KCNQ1: variants seen among roughly 807,000 people sequenced by gnomAD.
KCNQ1 encodes potassium voltage-gated channel subfamily KQT member 1.
Under a neutral mutation model 72.4 loss-of-function variants are expected in KCNQ1, and 49 were observed. That is an observed-to-expected ratio of 0.68 (90% CI 0.54 to 0.86). KCNQ1 has a LOEUF of 0.86. Among genes scored for constraint, KCNQ1 ranks in the 40% least tolerant of loss-of-function variants. KCNQ1 has a pLI of 0.00. For synonymous variants in KCNQ1, 450 were observed against 412.6 expected (o/e 1.09, Z -1.10); for missense variants, 790 against 945.1 (o/e 0.84, Z 2.15).
Position 2,471,687 on chromosome 11 carries a change from G to C in KCNQ1, c.386+26203G>C, listed in dbSNP as rs1564790433. 1.3e-5 allele frequency among the ~76,000 whole-genome samples: 2 copies of C among 150,160 alleles called. No individual in the cohort carries two copies. Among genetic ancestry groups the C allele is most frequent in the Non-Finnish European group, 3.0e-5 (2 of 67,552 alleles). On this transcript the variant is annotated intron_variant, in intron 1 of 15. Transcript: ENST00000155840. This position sits in a 1 kb window ranked among gnomAD's most constrained non-coding sequence, Gnocchi z 4.8. ...GTGCATGGGTGTGCACATGTGTATG[G>C]GTGTGCATGTGTGTATAGGTGTGTG...
chr11:2,556,055 G>GT (rs1297769544), intron 2 of KCNQ1, among the ~76,000 whole-genome samples: 2 of 152,242 alleles, frequency 1.3e-5, no homozygotes, highest in African/African-American at 4.8e-5. Context: ...TATCAGCGAG[G>GT]TGGGTTCGTT....
Position 2,687,221 on chromosome 11 carries a change from G to A in KCNQ1, c.1514+25140G>A, listed in dbSNP as rs1426338134. On this transcript the variant is annotated intron_variant, in intron 11 of 15. Coordinates refer to ENST00000155840, the MANE Select transcript of KCNQ1 (RefSeq NM_000218.3). The surrounding 1 kb of genome is among the most constrained non-coding windows in gnomAD (Gnocchi z 5.0). The stretch of plus-strand genomic sequence containing the variant: ...GGAGCATCACACTGTTGGGAAATGT[G>A]CAATTTTCACTCAGCCAGCATCACT... The A allele has an allele frequency of 7.5e-6, 3 of 398,642 alleles. No homozygotes were observed. Among genetic ancestry groups the A allele is most frequent in the Non-Finnish European group, 1.3e-5 (3 of 226,076 alleles). 24.7% of individuals were successfully genotyped at this position (398,642 alleles called of 1,614,324 possible).
intron 10 of KCNQ1, chr11:2,618,377 TC>T (rs1475413009): frequency 7.5e-6 from 3 of 398,470 alleles, no homozygotes; most frequent in Non-Finnish European, 1.3e-5. Flanking sequence ...ATTAAAGCCA[TC>T]CTGGGCTTAC....
intron 1 of KCNQ1, among the ~76,000 whole-genome samples, chr11:2,506,353 G>C (rs1847105457): frequency 6.6e-6 from 1 of 152,234 alleles, no homozygotes; most frequent in African/African-American, 2.4e-5. Context: ...GTATTTCCTA[G>C]AGACCACTAC....
intron 2 of KCNQ1, among the ~76,000 whole-genome samples, chr11:2,553,799 T>A (rs948376342): frequency 3.3e-5 from 5 of 152,176 alleles, no homozygotes; most frequent in African/African-American, 1.2e-4. Flanking sequence ...CACTGCAGCC[T>A]CTGCCTCCCA....
rs576494599 is a variant in KCNQ1 at position 2,547,979 on chromosome 11, C to T, written c.477+19961C>T. ...CATTCAGAGACAGGGGAGCAGGGAG[C>T]GGTGGGGGATGAGGTCAGGGAGGTG... On this transcript the variant is annotated intron_variant, in intron 2 of 15. Transcript: ENST00000155840. The surrounding 1 kb of genome is among the most constrained non-coding windows in gnomAD (Gnocchi z 4.2). 1.6e-4 allele frequency among the ~76,000 whole-genome samples: 25 copies of T among 152,092 alleles called. No homozygotes were observed. In the South Asian group the frequency reaches 4.8e-3, roughly 29 times the overall value.
chr11:2,609,139 A>G, intron 10 of KCNQ1: 1 of 398,072 alleles, frequency 2.5e-6, no homozygotes, highest in Non-Finnish European at 4.4e-6. Context: ...TTGAAGCCTT[A>G]TTTTTTGATA....
In KCNQ1 at chr11:2,725,620, A is replaced by C. The variant is rs1476694010; in HGVS notation, c.1515-43224A>C. Among the ~76,000 whole-genome samples, 1 of 151,978 alleles carries C rather than the reference A, an allele frequency of 6.6e-6. No homozygotes were observed. The highest frequency in any genetic ancestry group is 1.5e-5 in the Non-Finnish European group (1 of 67,964). On this transcript the variant is annotated intron_variant, in intron 11 of 15. Transcript: ENST00000155840. The surrounding 1 kb of genome is among the most constrained non-coding windows in gnomAD (Gnocchi z 7.2). The stretch of plus-strand genomic sequence containing the variant: ...TTGCCCTCGCCCCCTTCCCGAACGT[A>C]CCCTTTCCATGAGGCTGGGCGCCCT...
chr11:2,847,867 G>C lies in KCNQ1; in HGVS notation c.1895G>C (p.Arg632Thr). The C allele has an allele frequency of 6.3e-7, 1 of 1,577,702 alleles. No homozygotes were observed. Reference protein sequence around the residue: ...GSTPGSGGPPREGGAHITQPC... With the variant: ...GSTPGSGGPPTEGGAHITQPC... ...ACCCCCGGCAGCGGCGGCCCCCCCAGAGAGGGCGGGGCCCACATCACCCAG... is the reference window on the plus strand; with the variant it reads ...ACCCCCGGCAGCGGCGGCCCCCCCACAGAGGGCGGGGCCCACATCACCCAG... The change falls in exon 16 of 16, where the codon AGA becomes ACA. Residue 632 changes from arginine (R) to threonine (T), a missense_variant. Physicochemically the swap from Arg to Thr is moderately conservative, Grantham distance 71. Transcript: ENST00000155840.
intron 10 of KCNQ1, chr11:2,610,067 T>A (rs571230056): frequency 2.5e-6 from 1 of 398,000 alleles, no homozygotes; most frequent in South Asian, 1.3e-4. Context: ...GTCTTTTCTA[T>A]GTACTATTTC....
intron 11 of KCNQ1, among the ~76,000 whole-genome samples, chr11:2,717,943 T>C (rs534112565): frequency 1.2e-3 from 182 of 152,242 alleles, no homozygotes; most frequent in Non-Finnish European, 2.1e-3. Flanking sequence ...GGTCATGGAG[T>C]AAAGACCACA....
At chr11:2,614,438 T>G (rs77640024) in intron 10 of KCNQ1, 7,235 of 398,540 alleles carry the variant, frequency 0.018, 282 homozygotes, top group East Asian at 0.11. Flanking sequence ...TTTTTGTGTC[T>G]TTTCTAAGAA....
Position 2,570,620 on chromosome 11 carries a change from C to G in KCNQ1, c.478-8C>G, listed in dbSNP as rs150711844. On this transcript the variant is annotated splice_polypyrimidine_tract_variant and splice_region_variant and intron_variant, in intron 2 of 15. Transcript: ENST00000155840. ...GCCTGCAGTGAGCGTCCCACTCTGTCCCTGCAGGAGATCGTGCTGGTGGTG... is the reference window on the plus strand; with the variant it reads ...GCCTGCAGTGAGCGTCCCACTCTGTGCCTGCAGGAGATCGTGCTGGTGGTG... 1.2e-6 allele frequency: 2 copies of G among 1,612,090 alleles called. No individual in the cohort carries two copies. Among genetic ancestry groups the G allele is most frequent in the Non-Finnish European group, 1.7e-6 (2 of 1,179,972 alleles).
At chr11:2,480,953 C>T (rs968596054) in intron 1 of KCNQ1, among the ~76,000 whole-genome samples, 6 of 152,158 alleles carry the variant, frequency 3.9e-5, no homozygotes, top group Non-Finnish European at 8.8e-5. Context: ...GTAGAAACCG[C>T]AGGCAAGTCT....
chr11:2,699,897 A>G, intron 11 of KCNQ1: 1 of 398,152 alleles, frequency 2.5e-6, no homozygotes, highest in Admixed American at 4.4e-5. Context: ...GACCACGCTG[A>G]GAGGCACCCC....
chr11:2,776,091 G>C, intron 13 of KCNQ1, 37 bp downstream of exon 13: 1 of 1,496,518 alleles, frequency 6.7e-7, no homozygotes. Context: ...AGGGTGCCCA[G>C]GTCCTGCCCA....
At position 2,669,384 on chromosome 11, in the gene KCNQ1, C is replaced by T; in HGVS notation, c.1514+7303C>T. ...AATGGGTATCCTTATAGTTTTGGGG[C>T]TCCTGAAACATGGCATCATGTGTCC... On this transcript the variant is annotated intron_variant, in intron 11 of 15. Coordinates refer to ENST00000155840, the MANE Select transcript of KCNQ1 (RefSeq NM_000218.3). The surrounding 1 kb of genome is among the most constrained non-coding windows in gnomAD (Gnocchi z 5.6). 2.5e-6 allele frequency: 1 copy of T among 398,636 alleles called. No homozygotes were observed. Among genetic ancestry groups the T allele is most frequent in the East Asian group, 3.6e-5 (1 of 28,086 alleles). The allele number at this position is 398,636 out of a possible 1,614,324, so 24.7% of individuals were successfully genotyped here.
intron 10 of KCNQ1, chr11:2,639,083 C>T (rs185988820): frequency 6.6e-6 from 1 of 152,160 alleles, no homozygotes; most frequent in Non-Finnish European, 1.5e-5. Flanking sequence ...TTAAGGACTT[C>T]TCTACACTGG....
rs1365559232 is a variant in KCNQ1 at position 2,627,705 on chromosome 11, T to C, written c.1394-34256T>C. 2.5e-6 allele frequency: 1 copy of C among 398,468 alleles called. No homozygotes were observed. Among genetic ancestry groups the C allele is most frequent in the Non-Finnish European group, 4.4e-6 (1 of 226,068 alleles). The allele number at this position is 398,468 out of a possible 1,614,324, so 24.7% of individuals were successfully genotyped here. Reference sequence around the variant, plus strand: ...GTGTGTGTGTCTGTATGTATATGTATGTGATGTGTTTATTTGGGAATTTGG... The same window carrying C: ...GTGTGTGTGTCTGTATGTATATGTACGTGATGTGTTTATTTGGGAATTTGG... On this transcript the variant is annotated intron_variant, in intron 10 of 15. Coordinates refer to ENST00000155840, the MANE Select transcript of KCNQ1 (RefSeq NM_000218.3). The surrounding 1 kb of genome is among the most constrained non-coding windows in gnomAD (Gnocchi z 4.9).
Sources: gnomAD v4.1 joint callset for allele counts (sites outside exome capture counted in the v4.1 genomes callset) on GRCh38, gnomAD v4.1.1 for gene constraint, Gnocchi (gnomAD v3.1) non-coding constraint, MANE v1.5 for transcripts, NCBI Gene and HGNC (gene_info 2026-07-23, HGNC 2026-07-21) for gene names.